The following PRKCQ variants were observed in gnomAD, a reference collection of about 807,000 sequenced individuals.
The protein encoded by PRKCQ is protein kinase C theta type.
A neutral mutation model predicts 91.2 loss-of-function variants in PRKCQ; 41 were observed. The observed-to-expected ratio is 0.45, with a 90% CI of 0.35 to 0.58. The LOEUF (loss-of-function observed/expected upper bound fraction) is 0.58, where lower values mean the gene tolerates loss of function less well. Among genes scored for constraint, PRKCQ ranks in the 20% least tolerant of loss-of-function variants. PRKCQ has a pLI of 0.00. For missense variants in PRKCQ, 673 were observed against 896.5 expected (o/e 0.75, Z 3.18); for synonymous variants, 307 against 316.9 (o/e 0.97, Z 0.33).
intron 1 of PRKCQ, among the ~76,000 whole-genome samples, chr10:6,572,135 C>A (rs1249611886): frequency 6.6e-6 from 1 of 152,182 alleles, no homozygotes; most frequent in Non-Finnish European, 1.5e-5. Context: ...CCCATCGCTC[C>A]CTCTTCCTTC....
intron 4 of PRKCQ, among the ~76,000 whole-genome samples, chr10:6,501,974 T>A (rs898341102): frequency 3.3e-5 from 5 of 152,184 alleles, no homozygotes; most frequent in African/African-American, 7.2e-5. Flanking sequence ...ATAGCCATTG[T>A]GTGGGAATCA....
rs1423650883 is a variant in PRKCQ at position 6,441,941 on chromosome 10, G to A, written c.1788C>T (p.Pro596=). 6.2e-7 allele frequency: 1 copy of A among 1,613,450 alleles called. No homozygotes were observed. The change falls in exon 16 of 18, where the codon CCC becomes CCT. Residue 596 remains proline (P), a synonymous_variant. Coordinates refer to ENST00000263125, the MANE Select transcript of PRKCQ (RefSeq NM_006257.5). The part of the protein sequence containing the change: ...ELFHSIRMDN[P]FYPRWLEKEA... ...CCTTCTCCAGCCACCGTGGGTAAAA[G>A]GGATTGTCCATGCGGATGGAGTGGA...
chr10:6,422,539 TA>T (rs895183597), downstream of PRKCQ, among the ~76,000 whole-genome samples: 25 of 152,308 alleles, frequency 1.6e-4, no homozygotes, highest in African/African-American at 5.5e-4. Context: ...GAAAGATGTG[TA>T]ATCTTTCCAA....
chr10:6,559,519 C>T (rs775205114), intron 1 of PRKCQ, among the ~76,000 whole-genome samples: 5 of 152,120 alleles, frequency 3.3e-5, no homozygotes, highest in Non-Finnish European at 7.4e-5. Flanking sequence ...CCACCACACC[C>T]AGCTAATTTT....
chr10:6,546,998 T>C (rs1839975676), intron 1 of PRKCQ, among the ~76,000 whole-genome samples: 1 of 152,208 alleles, frequency 6.6e-6, no homozygotes, highest in East Asian at 1.9e-4. Flanking sequence ...ATCATGTGGT[T>C]TTTGTCTTTG....
chr10:6,526,761 C>A (rs1440892387), intron 1 of PRKCQ, among the ~76,000 whole-genome samples: 1 of 152,162 alleles, frequency 6.6e-6, no homozygotes, highest in Non-Finnish European at 1.5e-5. Context: ...AGGTAGGACA[C>A]CGCCCGAGGG....
chr10:6,480,153 G>A (rs566846304), intron 11 of PRKCQ, among the ~76,000 whole-genome samples: 17 of 151,906 alleles, frequency 1.1e-4, no homozygotes, highest in Non-Finnish European at 2.2e-4. Context: ...CGTGGCTCTC[G>A]TATCAAAGGA....
chr10:6,409,172 G>A, the PRKCQ span, among the ~76,000 whole-genome samples: 1 of 152,206 alleles, frequency 6.6e-6, no homozygotes, highest in Admixed American at 6.5e-5. Context: ...GGCCCAAGGA[G>A]GACAGTGGAA....
the PRKCQ span, among the ~76,000 whole-genome samples, chr10:6,405,263 G>C: frequency 1.3e-5 from 2 of 152,198 alleles, no homozygotes; most frequent in Non-Finnish European, 2.9e-5. Context: ...GATTACAGGC[G>C]TGAGCCACCG....
chr10:6,428,468 G>T, intron 17 of PRKCQ, 106 bp from the exon 18 acceptor site: 7 of 1,307,704 alleles, frequency 5.4e-6, no homozygotes, highest in Non-Finnish European at 7.4e-6. Flanking sequence ...GGCAAAGTTG[G>T]TGTTTGCAGA....
intron 14 of PRKCQ, 67 bp downstream of exon 14, chr10:6,462,236 A>G: frequency 1.4e-6 from 2 of 1,414,354 alleles, no homozygotes; most frequent in South Asian, 2.3e-5. Flanking sequence ...CACTCGGTGC[A>G]ATGATTAAAT....
At chr10:6,489,305 G>A in intron 8 of PRKCQ, 1 of 472,048 alleles carries the variant, frequency 2.1e-6, no homozygotes, top group South Asian at 1.5e-5. Flanking sequence ...CCTTAAAACT[G>A]TAGCCACATC....
chr10:6,546,539 T>C (rs983680971), intron 1 of PRKCQ, among the ~76,000 whole-genome samples: 11 of 152,204 alleles, frequency 7.2e-5, no homozygotes, highest in Non-Finnish European at 5.9e-5. Context: ...CTCTGTCTGG[T>C]ATTGGTGTAT....
intron 1 of PRKCQ, among the ~76,000 whole-genome samples, chr10:6,535,466 A>G (rs772305998): frequency 6.6e-6 from 1 of 152,042 alleles, no homozygotes; most frequent in Non-Finnish European, 1.5e-5. Flanking sequence ...ATATGTATTA[A>G]TACATTTTTT....
chr10:6,533,395 C>T (rs1839465507), intron 1 of PRKCQ, among the ~76,000 whole-genome samples: 1 of 152,110 alleles, frequency 6.6e-6, no homozygotes, highest in Admixed American at 6.5e-5. Flanking sequence ...CGGGGTTTCA[C>T]CACGTTGGCC....
At chr10:6,431,196 T>C (rs1281835338) in intron 16 of PRKCQ, among the ~76,000 whole-genome samples, 2 of 152,208 alleles carry the variant, frequency 1.3e-5, no homozygotes, top group East Asian at 1.9e-4. Flanking sequence ...TGTTATTAAT[T>C]GGACCTTAGG....
Position 6,576,666 on chromosome 10 carries a change from G to A in PRKCQ, c.-10+3545C>T, listed in dbSNP as rs2130987980. ...CAATGTGAATATACTTAATGTCACT[G>A]AACTGTACGCTAGAAAATAGTTAAG... On this transcript the variant is annotated intron_variant, in intron 1 of 17. Coordinates refer to ENST00000263125, the MANE Select transcript of PRKCQ (RefSeq NM_006257.5). The surrounding 1 kb of genome is among the most constrained non-coding windows in gnomAD (Gnocchi z 4.2). Among the ~76,000 whole-genome samples, 1 of 152,344 alleles carries A rather than the reference G, an allele frequency of 6.6e-6. No individual in the cohort carries two copies. Among genetic ancestry groups the A allele is most frequent in the South Asian group, 2.1e-4 (1 of 4,832 alleles).
intron 7 of PRKCQ, among the ~76,000 whole-genome samples, chr10:6,494,400 T>C (rs1408530761): frequency 6.6e-6 from 1 of 152,202 alleles, no homozygotes; most frequent in African/African-American, 2.4e-5. Context: ...TCTCTGTCCA[T>C]CATCTCCTTC....
chr10:6,464,224 A>T, intron 13 of PRKCQ, 89 bp downstream of exon 13: 1 of 1,114,120 alleles, frequency 9.0e-7, no homozygotes, highest in Non-Finnish European at 1.3e-6. Flanking sequence ...CCTGGGATTC[A>T]GGCATGCCAA....
Sources: gnomAD v4.1 joint callset for allele counts (sites outside exome capture counted in the v4.1 genomes callset) on GRCh38, gnomAD v4.1.1 for gene constraint, Gnocchi (gnomAD v3.1) non-coding constraint, MANE v1.5 for transcripts, NCBI Gene and HGNC (gene_info 2026-07-23, HGNC 2026-07-21) for gene names.